Variants in LYPLAL1 observed in about 807,000 individuals in gnomAD.
LYPLAL1 encodes the protein lysophospholipase like 1, also known as lysophospholipase-like protein 1.
A neutral mutation model predicts 19.7 loss-of-function variants in LYPLAL1; 23 were observed. The observed-to-expected ratio is 1.17, with a 90% CI of 0.84 to 1.65. The LOEUF is 1.65. LYPLAL1 is among the 40% of genes most tolerant of loss of function. LYPLAL1 has a pLI of 0.00. For missense variants in LYPLAL1, 355 were observed against 279.4 expected (o/e 1.27, Z -1.93); for synonymous variants, 119 against 96.3 (o/e 1.24, Z -1.38).
the LYPLAL1 span, among the ~76,000 whole-genome samples, chr1:219,252,541 G>C: frequency 6.6e-6 from 1 of 151,966 alleles, no homozygotes; most frequent in African/African-American, 2.4e-5. Context: ...ATTGAGATAA[G>C]CATGTGGTTT....
chr1:219,192,287 A>C (rs1171731072), intron 2 of LYPLAL1, among the ~76,000 whole-genome samples: 5 of 151,682 alleles, frequency 3.3e-5, no homozygotes, highest in Admixed American at 6.6e-5. Flanking sequence ...CTTTTACTTT[A>C]CTAACTTTGG....
At chr1:219,294,306 G>A in the LYPLAL1 span, among the ~76,000 whole-genome samples, 5 of 152,132 alleles carry the variant, frequency 3.3e-5, no homozygotes, top group African/African-American at 7.2e-5. Context: ...AAGGATCCTT[G>A]TGGATGTTTA....
chr1:219,283,640 G>T, the LYPLAL1 span, among the ~76,000 whole-genome samples: 13 of 152,130 alleles, frequency 8.5e-5, no homozygotes, highest in Admixed American at 3.9e-4. Flanking sequence ...CATAGTGACT[G>T]ACAATTGCCT....
the LYPLAL1 span, among the ~76,000 whole-genome samples, chr1:219,373,863 C>CAAAAAAAAAAAA: frequency 6.8e-5 from 7 of 102,214 alleles, no homozygotes; most frequent in Non-Finnish European, 8.0e-5. Context: ...ATAAAATTGT[C>CAAAAAAAAAAAA]AAAAAAAAAA....
the LYPLAL1 span, among the ~76,000 whole-genome samples, chr1:219,419,594 CAGAG>C: frequency 7.0e-5 from 7 of 99,598 alleles, no homozygotes; most frequent in East Asian, 1.6e-3. Flanking sequence ...CACACACACA[CAGAG>C]AGAGAGAGAG....
At chr1:219,241,099 TCTCTCTCTCTCTC>T in the LYPLAL1 span, among the ~76,000 whole-genome samples, 34 of 56,058 alleles carry the variant, frequency 6.1e-4, no homozygotes, top group Middle Eastern at 9.3e-3. Flanking sequence ...ATATATATAA[TCTCTCTCTCTCTC>T]TCTCTCTCTC....
At chr1:219,201,891 C>T (rs934346122) in intron 3 of LYPLAL1, among the ~76,000 whole-genome samples, 8 of 152,168 alleles carry the variant, frequency 5.3e-5, no homozygotes, top group African/African-American at 1.9e-4. Context: ...GTTATTGATT[C>T]ATAGAGCAAA....
At chr1:219,331,173 A>G in the LYPLAL1 span, among the ~76,000 whole-genome samples, 1 of 152,296 alleles carries the variant, frequency 6.6e-6, no homozygotes, top group East Asian at 1.9e-4. Context: ...TATCTCAGGC[A>G]TTGGCTAGGT....
At chr1:219,327,713 GAAT>G in the LYPLAL1 span, among the ~76,000 whole-genome samples, 1 of 152,146 alleles carries the variant, frequency 6.6e-6, no homozygotes, top group Non-Finnish European at 1.5e-5. Context: ...GGAGGTAATT[GAAT>G]AATGGGGTCA....
At chr1:219,364,259 A>T in the LYPLAL1 span, among the ~76,000 whole-genome samples, 1 of 152,176 alleles carries the variant, frequency 6.6e-6, no homozygotes, top group African/African-American at 2.4e-5. Flanking sequence ...TATGCTCCTT[A>T]CTGTGTATAT....
the LYPLAL1 span, among the ~76,000 whole-genome samples, chr1:219,285,646 TATGTGAAACGTCCAGA>T: frequency 6.2e-4 from 95 of 152,334 alleles, no homozygotes; most frequent in Non-Finnish European, 1.2e-3. Flanking sequence ...TGATTCCATT[TATGTGAAACGTCCAGA>T]ATAGGCAAAT....
chr1:219,271,637 A>C, the LYPLAL1 span: 1 of 152,216 alleles, frequency 6.6e-6, no homozygotes, highest in Non-Finnish European at 1.5e-5. Context: ...TATCAGACTA[A>C]TGTTCAGATC....
the LYPLAL1 span, among the ~76,000 whole-genome samples, chr1:219,379,165 C>A: frequency 1.3e-5 from 2 of 152,160 alleles, no homozygotes; most frequent in Non-Finnish European, 2.9e-5. Flanking sequence ...ATTTTGGTGA[C>A]TTCTGTTAAC....
At chr1:219,224,752 T>G in the LYPLAL1 span, among the ~76,000 whole-genome samples, 1 of 152,206 alleles carries the variant, frequency 6.6e-6, no homozygotes, top group African/African-American at 2.4e-5. Flanking sequence ...GCTAAAGGAA[T>G]GCATTGGTCT....
the LYPLAL1 span, among the ~76,000 whole-genome samples, chr1:219,278,689 A>ACAACAG: frequency 6.6e-6 from 1 of 151,848 alleles, no homozygotes. Context: ...AACAACAACA[A>ACAACAG]CAACAACAAC....
chr1:219,202,407 C>A (rs562616443), intron 3 of LYPLAL1, among the ~76,000 whole-genome samples: 1 of 152,166 alleles, frequency 6.6e-6, no homozygotes, highest in Admixed American at 6.5e-5. Flanking sequence ...CAGCTGCTTA[C>A]TTTTTCCTCA....
the LYPLAL1 span, among the ~76,000 whole-genome samples, chr1:219,299,720 T>C: frequency 1.6e-3 from 240 of 152,294 alleles, 4 homozygotes; most frequent in South Asian, 0.017. Context: ...TGGGAAAACA[T>C]GAAGACTGGA....
At chr1:219,254,350 G>T in the LYPLAL1 span, among the ~76,000 whole-genome samples, 2 of 151,950 alleles carry the variant, frequency 1.3e-5, no homozygotes, top group Non-Finnish European at 2.9e-5. Flanking sequence ...ATGTTAACTT[G>T]TTTTTGTGGT....
chr1:219,362,309 C>T, the LYPLAL1 span, among the ~76,000 whole-genome samples: 3 of 152,072 alleles, frequency 2.0e-5, no homozygotes, highest in Admixed American at 2.0e-4. Flanking sequence ...AGACAAATAA[C>T]CTCTTGAAGA....
Sources: gnomAD v4.1 joint callset for allele counts (sites outside exome capture counted in the v4.1 genomes callset) on GRCh38, gnomAD v4.1.1 for gene constraint, MANE v1.5 for transcripts, NCBI Gene and HGNC (gene_info 2026-07-23, HGNC 2026-07-21) for gene names.